Variants in PAK3 observed in about 807,000 individuals in gnomAD.
PAK3 encodes the protein p21 (RAC1) activated kinase 3, also known as serine/threonine-protein kinase PAK 3.
In PAK3, 4 loss-of-function variants were observed where a neutral mutation model predicts 41.0. The ratio of observed to expected loss-of-function variants is 0.10; its 90% CI spans 0.05 to 0.22. The LOEUF (loss-of-function observed/expected upper bound fraction) is 0.22, where lower values mean the gene tolerates loss of function less well. PAK3 is among the 10% of genes least tolerant of loss of function. The probability of loss-of-function intolerance (pLI) is 1.00; values close to 1 mark genes in which losing one functional copy is unlikely to be tolerated. For missense variants in PAK3, 205 were observed against 409.9 expected (o/e 0.50, Z 4.32); for synonymous variants, 146 against 139.6 (o/e 1.05, Z -0.32).
At chrX:111,174,538 T>C (rs1569442323) in intron 11 of PAK3, among the ~76,000 whole-genome samples, 1 of 111,768 alleles carries the variant, frequency 8.9e-6, no homozygotes, top group Non-Finnish European at 1.9e-5. Flanking sequence ...ATGGGTCAAA[T>C]TAATATTTCT....
chrX:111,095,696 G>C (rs2092970678), upstream of PAK3, among the ~76,000 whole-genome samples: 1 of 111,890 alleles, frequency 8.9e-6, no homozygotes, highest in Admixed American at 9.4e-5. Context: ...TGCCACATCT[G>C]TCTCTCTTAG....
At chrX:111,192,216 T>C in intron 12 of PAK3, 41 bp downstream of exon 12, 1 of 875,175 alleles carries the variant, frequency 1.1e-6, no homozygotes, top group South Asian at 2.0e-5. Flanking sequence ...TTTTCTTTTA[T>C]TCATATTTAA....
chrX:111,199,781 T>G (rs2094658748), intron 16 of PAK3, among the ~76,000 whole-genome samples: 2 of 111,992 alleles, frequency 1.8e-5, no homozygotes, highest in Admixed American at 1.9e-4. Flanking sequence ...GATCTTCATG[T>G]GATCTTGTTA....
At chrX:111,058,906 T>G (rs1027921827) in intron 1 of PAK3, among the ~76,000 whole-genome samples, 2 of 111,402 alleles carry the variant, frequency 1.8e-5, no homozygotes, top group Admixed American at 9.5e-5. Context: ...TACCATTTGT[T>G]GAAGAAACTG....
At chrX:111,045,569 T>C (rs1007774065) in intron 1 of PAK3, among the ~76,000 whole-genome samples, 6 of 111,754 alleles carry the variant, frequency 5.4e-5, no homozygotes, top group Non-Finnish European at 7.5e-5. Context: ...AGGAAGCTAA[T>C]AGGAAAGTTT....
chrX:110,989,550 C>A (rs1171602268), intron 1 of PAK3, among the ~76,000 whole-genome samples: 3 of 111,489 alleles, frequency 2.7e-5, no homozygotes, highest in Non-Finnish European at 5.6e-5. Context: ...CTATTTGCAC[C>A]AAAGAAAATA....
At chrX:110,984,124 G>A (rs1424614296) in intron 1 of PAK3, among the ~76,000 whole-genome samples, 1 of 111,843 alleles carries the variant, frequency 8.9e-6, no homozygotes, top group Non-Finnish European at 1.9e-5. Context: ...GGATGTTCAG[G>A]TTGTATACTA....
intron 1 of PAK3, among the ~76,000 whole-genome samples, chrX:111,087,856 G>A (rs935332229): frequency 9.3e-6 from 1 of 107,993 alleles, no homozygotes; most frequent in Non-Finnish European, 1.9e-5. Context: ...CCTTCTCCTT[G>A]AGAAATTCCC....
intron 11 of PAK3, among the ~76,000 whole-genome samples, chrX:111,181,693 T>A (rs2094463537): frequency 9.1e-6 from 1 of 110,279 alleles, no homozygotes; most frequent in African/African-American, 3.3e-5. Flanking sequence ...GACAAAGCAG[T>A]GTATGCCATG....
At chrX:111,048,594 A>G (rs1371012609) in intron 1 of PAK3, among the ~76,000 whole-genome samples, 2 of 111,848 alleles carry the variant, frequency 1.8e-5, no homozygotes, top group African/African-American at 6.5e-5. Context: ...CCATTTGTCC[A>G]AGACCATAAC....
chrX:111,006,849 C>CTTTCTTTCTT (rs1556434441), intron 1 of PAK3, among the ~76,000 whole-genome samples: 608 of 42,679 alleles, frequency 0.014, 14 homozygotes, highest in South Asian at 0.024. Flanking sequence ...TTCTTTCTTT[C>CTTTCTTTCTT]TTTTTTTTTT....
intron 8 of PAK3, among the ~76,000 whole-genome samples, chrX:111,153,349 A>G (rs1220150232): frequency 3.6e-5 from 4 of 111,991 alleles, no homozygotes; most frequent in Non-Finnish European, 7.5e-5. Context: ...GTCCAAAGTC[A>G]CATAGATAAT....
chrX:111,041,926 AC>A (rs1329089683), intron 1 of PAK3, among the ~76,000 whole-genome samples: 2 of 111,601 alleles, frequency 1.8e-5, no homozygotes, highest in Non-Finnish European at 3.8e-5. Context: ...GCATATATAT[AC>A]TTTTTTATAT....
chrX:111,063,835 AAAT>A (rs1178035457), intron 1 of PAK3, among the ~76,000 whole-genome samples: 3 of 109,956 alleles, frequency 2.7e-5, no homozygotes, highest in Non-Finnish European at 3.8e-5. Context: ...AAAAAAAAAA[AAAT>A]CAATGACTCC....
At chrX:111,123,420 T>C in intron 5 of PAK3, 142 bp downstream of exon 5, 1 of 488,490 alleles carries the variant, frequency 2.0e-6, no homozygotes, top group Non-Finnish European at 3.6e-6. Flanking sequence ...GGTTGCATTT[T>C]GTCAGAGAAT....
chrX:111,064,659 G>T (rs958781697), intron 1 of PAK3, among the ~76,000 whole-genome samples: 3 of 112,408 alleles, frequency 2.7e-5, no homozygotes, highest in Non-Finnish European at 5.6e-5. Context: ...GTATTCTATG[G>T]TGTATATGTA....
At chrX:111,205,339 A>G (rs1156414604) in intron 16 of PAK3, among the ~76,000 whole-genome samples, 6 of 110,417 alleles carry the variant, frequency 5.4e-5, no homozygotes, top group Non-Finnish European at 9.5e-5. Flanking sequence ...TAAGGCTAAA[A>G]ACTCGTGAGT....
chrX:111,203,881 A>G (rs1378343694), intron 16 of PAK3, among the ~76,000 whole-genome samples: 1 of 111,512 alleles, frequency 9.0e-6, no homozygotes, highest in East Asian at 2.8e-4. Context: ...GCACTCAGTC[A>G]ATATTGTTTT....
At chrX:111,011,644 A>G in intron 1 of PAK3, among the ~76,000 whole-genome samples, 1 of 112,401 alleles carries the variant, frequency 8.9e-6, no homozygotes, top group South Asian at 3.7e-4. Flanking sequence ...CCTCAGTGAA[A>G]CAATGCACAG....
Sources: gnomAD v4.1 joint callset for allele counts (sites outside exome capture counted in the v4.1 genomes callset) on GRCh38, gnomAD v4.1.1 for gene constraint, MANE v1.5 for transcripts, NCBI Gene and HGNC (gene_info 2026-07-23, HGNC 2026-07-21) for gene names.